The following OFD1 variants were observed in gnomAD, a reference collection of about 807,000 sequenced individuals.
OFD1 encodes the protein OFD1 centriole and centriolar satellite protein.
A neutral mutation model predicts 81.4 loss-of-function variants in OFD1; 12 were observed. The ratio of observed to expected loss-of-function variants is 0.15; its 90% CI spans 0.09 to 0.24. The LOEUF (loss-of-function observed/expected upper bound fraction) is 0.24. Among genes scored for constraint, OFD1 ranks in the 10% least tolerant of loss-of-function variants. The probability of loss-of-function intolerance (pLI) is 1.00; values close to 1 mark genes in which losing one functional copy is unlikely to be tolerated. For synonymous variants in OFD1, 256 were observed against 263.7 expected, an observed-to-expected ratio of 0.97 and a Z score of 0.28; for missense variants, 685 against 733.9, an observed-to-expected ratio of 0.93 and a Z score of 0.77.
At chrX:13,734,625 C>T, upstream of OFD1, 2 of 834,287 alleles carry the variant, frequency 2.4e-6, no homozygotes, top group South Asian at 9.2e-5. Context: ...TCTCGCGATA[C>T]CCTGGGATGT....
chrX:13,772,539 C>T (rs2048320052), downstream of OFD1: 1 of 159,704 alleles, frequency 6.3e-6, no homozygotes, highest in African/African-American at 3.0e-5. Context: ...TAAGGAGTCA[C>T]AGGTCCCTAT....
At chrX:13,760,035 C>A (rs57833566) in intron 15 of OFD1, 80 bp from the exon 16 acceptor site, 1 of 1,167,167 alleles carries the variant, frequency 8.6e-7, no homozygotes, top group Non-Finnish European at 1.2e-6. Flanking sequence ...TTCCATTTTT[C>A]AAAAAAATAA....
At chrX:13,756,207 G>A (rs1204000366) in intron 12 of OFD1, among the ~76,000 whole-genome samples, 1 of 111,091 alleles carries the variant, frequency 9.0e-6, no homozygotes, top group Admixed American at 9.6e-5. Context: ...TCTTGCCTCA[G>A]CCTCCCAAAG....
downstream of OFD1, among the ~76,000 whole-genome samples, chrX:13,770,614 CTTATT>C (rs1165277222): frequency 1.8e-5 from 2 of 112,116 alleles, no homozygotes; most frequent in Non-Finnish European, 3.8e-5. Flanking sequence ...CACACATGCC[CTTATT>C]TTGTTTCTGC....
chrX:13,733,952 A>C (rs982686761), upstream of OFD1: 2 of 507,340 alleles, frequency 3.9e-6, no homozygotes, highest in Non-Finnish European at 3.5e-6. Context: ...TTCTTGTTCA[A>C]TTCTCTGGCT....
intron 9 of OFD1, among the ~76,000 whole-genome samples, chrX:13,750,679 A>G (rs2047470038): frequency 8.9e-6 from 1 of 111,891 alleles, no homozygotes; most frequent in African/African-American, 3.2e-5. Flanking sequence ...GTCTCTCTGT[A>G]TTGCCCAGGC....
At chrX:13,765,233 G>A (rs754568336) in intron 19 of OFD1, among the ~76,000 whole-genome samples, 2 of 110,377 alleles carry the variant, frequency 1.8e-5, no homozygotes, top group Non-Finnish European at 1.9e-5. Context: ...GAGGTGCCCC[G>A]TGGACATGCT....
the OFD1 span, chrX:13,715,886 G>A: frequency 9.6e-7 from 1 of 1,045,086 alleles, no homozygotes; most frequent in Non-Finnish European, 1.2e-6. Context: ...GTTCTGATGG[G>A]GGAAAGCTAG....
chrX:13,744,334 T>G, intron 5 of OFD1, 81 bp from the exon 6 acceptor site: 1 of 565,588 alleles, frequency 1.8e-6, no homozygotes, highest in South Asian at 2.5e-5. Flanking sequence ...AATGATAATG[T>G]CCTAAAACTA....
intron 14 of OFD1, among the ~76,000 whole-genome samples, chrX:13,758,115 A>G (rs1206721513): frequency 9.0e-6 from 1 of 110,880 alleles, no homozygotes; most frequent in Admixed American, 9.6e-5. Flanking sequence ...TTCTGCCTGC[A>G]TGCCCTAGAG....
intron 12 of OFD1, among the ~76,000 whole-genome samples, chrX:13,755,760 G>A (rs901439813): frequency 5.4e-5 from 6 of 110,864 alleles, no homozygotes; most frequent in Non-Finnish European, 1.1e-4. Flanking sequence ...CTGTTCATTC[G>A]TGTGCTTGCT....
At chrX:13,758,744 ATTT>A (rs758633379) in intron 15 of OFD1, among the ~76,000 whole-genome samples, 45 of 111,173 alleles carry the variant, frequency 4.0e-4, no homozygotes, top group Non-Finnish European at 7.5e-4. Context: ...TTCCTTTTTT[ATTT>A]GTTACCCCAA....
upstream of OFD1, chrX:13,734,570 G>C: frequency 1.9e-6 from 1 of 518,574 alleles, no homozygotes; most frequent in Non-Finnish European, 2.5e-6. Context: ...AGTTTCCGCG[G>C]AAGAGACCCG....
chrX:13,748,384 C>T (rs764199111), intron 8 of OFD1, among the ~76,000 whole-genome samples: 1 of 112,147 alleles, frequency 8.9e-6, no homozygotes, highest in East Asian at 2.8e-4. Context: ...CTTTCAAGAC[C>T]CAGCTTGGAT....
At chrX:13,737,343 A>G (rs1313253382) in intron 3 of OFD1, among the ~76,000 whole-genome samples, 1 of 108,304 alleles carries the variant, frequency 9.2e-6, no homozygotes, top group African/African-American at 3.4e-5. Flanking sequence ...TTTTAAAGGC[A>G]GATACAGCAG....
intron 1 of OFD1, 82 bp downstream of exon 1, chrX:13,735,165 C>G: frequency 1.7e-6 from 2 of 1,198,765 alleles, no homozygotes; most frequent in Non-Finnish European, 2.3e-6. Flanking sequence ...CCTCTTATGG[C>G]TTCCCCGGAG....
the OFD1 span, among the ~76,000 whole-genome samples, chrX:13,722,403 T>C: frequency 3.6e-5 from 4 of 110,464 alleles, no homozygotes; most frequent in Non-Finnish European, 7.6e-5. Context: ...AGGATGCTGT[T>C]ACCAACTACC....
chrX:13,766,323 G>C (rs1244281577), intron 19 of OFD1, among the ~76,000 whole-genome samples: 1 of 111,603 alleles, frequency 9.0e-6, no homozygotes, highest in Non-Finnish European at 1.9e-5. Flanking sequence ...GGGAGATGGT[G>C]AGAAGGGCCC....
In OFD1 at chrX:13,758,718, A is replaced by G. The variant is rs191871995; in HGVS notation, c.1654+270A>G. On this transcript the variant is annotated intron_variant, in intron 15 of 22. Transcript: ENST00000340096. ...GCGTGGTGGTAACATAGAAGTCCCC[A>G]TATTCATTATAGGATTTCCTTTTTT... 6.3e-5 allele frequency among the ~76,000 whole-genome samples: 7 copies of G among 111,325 alleles called. No individual in the cohort carries two copies. The South Asian group carries it at 2.2e-3, about 36-fold the overall frequency.
Sources: allele counts gnomAD v4.1 joint callset (sites outside exome capture counted in the v4.1 genomes callset), GRCh38; gene constraint gnomAD v4.1.1; transcripts MANE v1.5; gene names NCBI Gene and HGNC (gene_info 2026-07-23, HGNC 2026-07-21).